Variants in CTNNA3 observed in about 807,000 individuals in gnomAD.
CTNNA3 encodes catenin alpha-3.
In CTNNA3, 76 loss-of-function variants were observed where a neutral mutation model predicts 95.7. The ratio of observed to expected loss-of-function variants is 0.79; its 90% CI spans 0.66 to 0.96. The LOEUF (loss-of-function observed/expected upper bound fraction) is 0.96. Among genes scored for constraint, CTNNA3 ranks in the 40% least tolerant of loss-of-function variants. The pLI is 0.00. For missense variants in CTNNA3, 1,191 were observed against 1,089.8 expected (o/e 1.09, Z -1.31); for synonymous variants, 431 against 374.4 (o/e 1.15, Z -1.74).
intron 7 of CTNNA3, among the ~76,000 whole-genome samples, chr10:66,784,033 T>C (rs1039336462): frequency 6.6e-5 from 10 of 152,156 alleles, no homozygotes; most frequent in Non-Finnish European, 1.0e-4. Flanking sequence ...TTAGAACAGA[T>C]AGACTTCCAC....
At chr10:67,539,752 G>A in intron 3 of CTNNA3, 83 bp from the exon 4 acceptor site, 17 of 1,246,044 alleles carry the variant, frequency 1.4e-5, no homozygotes, top group Admixed American at 2.1e-5. Flanking sequence ...CTAATTCCAA[G>A]TAAATTCCAA....
intron 13 of CTNNA3, among the ~76,000 whole-genome samples, chr10:66,275,812 C>T (rs1433215506): frequency 6.6e-6 from 1 of 151,486 alleles, no homozygotes; most frequent in Non-Finnish European, 1.5e-5. Flanking sequence ...AAGATGTCTA[C>T]AAGGCCACCA....
chr10:65,978,210 A>G (rs188914312), intron 16 of CTNNA3, among the ~76,000 whole-genome samples: 1 of 152,168 alleles, frequency 6.6e-6, no homozygotes, highest in East Asian at 1.9e-4. Context: ...CATTCTAAGA[A>G]CTGTTTTCAA....
chr10:66,284,055 A>G (rs957333279), intron 12 of CTNNA3, among the ~76,000 whole-genome samples: 5 of 151,892 alleles, frequency 3.3e-5, no homozygotes, highest in Non-Finnish European at 5.9e-5. Flanking sequence ...CAGGTAGGAT[A>G]AGCTGTTCTG....
intron 11 of CTNNA3, among the ~76,000 whole-genome samples, chr10:66,403,877 T>G (rs1394817507): frequency 6.6e-6 from 1 of 152,182 alleles, no homozygotes; most frequent in Admixed American, 6.5e-5. Context: ...AGTTTAACTT[T>G]GAAACAAAAA....
At chr10:67,295,261 CAAAAG>C (rs900251367) in intron 5 of CTNNA3, among the ~76,000 whole-genome samples, 36 of 152,164 alleles carry the variant, frequency 2.4e-4, no homozygotes, top group African/African-American at 8.7e-4. Context: ...TGAAAATACT[CAAAAG>C]AAAATTCTTT....
At chr10:66,539,714 C>T (rs1481509514) in intron 10 of CTNNA3, among the ~76,000 whole-genome samples, 2 of 151,998 alleles carry the variant, frequency 1.3e-5, no homozygotes, top group African/African-American at 4.8e-5. Context: ...AGGCTTCATT[C>T]TCCTTTTTGC....
chr10:66,916,048 C>A (rs182234477), intron 7 of CTNNA3, among the ~76,000 whole-genome samples: 1 of 152,038 alleles, frequency 6.6e-6, no homozygotes, highest in Admixed American at 6.6e-5. Flanking sequence ...TGTGCCCAGT[C>A]CTTGACATAT....
At chr10:66,697,461 G>A (rs1229744035) in intron 9 of CTNNA3, among the ~76,000 whole-genome samples, 1 of 151,580 alleles carries the variant, frequency 6.6e-6, no homozygotes, top group Non-Finnish European at 1.5e-5. Flanking sequence ...AAAATATATG[G>A]ATTATATATG....
chr10:67,205,876 G>A (rs1051723667), intron 6 of CTNNA3, among the ~76,000 whole-genome samples: 2 of 152,104 alleles, frequency 1.3e-5, no homozygotes, highest in East Asian at 1.9e-4. Context: ...CCTTTGAAAC[G>A]TATGTAAATC....
intron 11 of CTNNA3, 35 bp from the exon 12 acceptor site, chr10:66,379,387 T>C (rs775830635): frequency 6.5e-7 from 1 of 1,527,540 alleles, no homozygotes; most frequent in South Asian, 1.1e-5. Flanking sequence ...TTTTTGCGTG[T>C]GTCTGTGTTT....
intron 11 of CTNNA3, among the ~76,000 whole-genome samples, chr10:66,514,761 T>C (rs1032644186): frequency 6.6e-6 from 1 of 152,190 alleles, no homozygotes; most frequent in Non-Finnish European, 1.5e-5. Flanking sequence ...CAAACCCTTA[T>C]ATTTAATCAG....
At position 66,611,810 on chromosome 10, in the gene CTNNA3, C is replaced by T. The variant is rs1844339620; in HGVS notation, c.1374+9882G>A. Among the ~76,000 whole-genome samples the T allele has an allele frequency of 5.3e-5, 8 of 152,072 alleles. No homozygotes were observed. In the South Asian group the frequency reaches 1.7e-3, roughly 32 times the overall value. On this transcript the variant is annotated intron_variant, in intron 10 of 17. Coordinates refer to ENST00000433211, the MANE Select transcript of CTNNA3 (RefSeq NM_013266.4). The stretch of plus-strand genomic sequence containing the variant: ...CATTGTTCTTTTTCAGGTTCCTCTT[C>T]CTTTTCTCTCCCAGATGTGTTTTCT...
chr10:67,288,776 A>C (rs1474353497), intron 5 of CTNNA3, among the ~76,000 whole-genome samples: 1 of 152,182 alleles, frequency 6.6e-6, no homozygotes, highest in Non-Finnish European at 1.5e-5. Context: ...AAGTTTTTCC[A>C]AAATCCTCTG....
intron 15 of CTNNA3, among the ~76,000 whole-genome samples, chr10:66,017,498 A>G (rs1393170652): frequency 6.6e-6 from 1 of 152,112 alleles, no homozygotes; most frequent in Non-Finnish European, 1.5e-5. Context: ...TATTATTAAT[A>G]TTATTGAATG....
At chr10:67,005,703 T>TTTTTTTTTTTTTTTTTTG (rs1417141930) in intron 7 of CTNNA3, among the ~76,000 whole-genome samples, 1 of 136,146 alleles carries the variant, frequency 7.3e-6, no homozygotes. Context: ...TTTTTTTTTT[T>TTTTTTTTTTTTTTTTTTG]GAGACGGAGT....
chr10:66,724,590 G>A (rs1848725189), intron 9 of CTNNA3, among the ~76,000 whole-genome samples: 1 of 152,146 alleles, frequency 6.6e-6, no homozygotes, highest in Non-Finnish European at 1.5e-5. Flanking sequence ...GAGAAGAAAT[G>A]TGCTAAGTGA....
At chr10:66,123,388 C>A (rs2082670146) in intron 13 of CTNNA3, among the ~76,000 whole-genome samples, 1 of 152,176 alleles carries the variant, frequency 6.6e-6, no homozygotes, top group African/African-American at 2.4e-5. Context: ...TGGTCTTGGG[C>A]AGCTCCGTCC....
At chr10:66,235,272 C>T (rs2089792423) in intron 13 of CTNNA3, among the ~76,000 whole-genome samples, 1 of 151,924 alleles carries the variant, frequency 6.6e-6, no homozygotes, top group Non-Finnish European at 1.5e-5. Flanking sequence ...AATTGTGCTG[C>T]TTCTTTATTT....
Sources: allele counts gnomAD v4.1 joint callset (sites outside exome capture counted in the v4.1 genomes callset), GRCh38; gene constraint gnomAD v4.1.1; transcripts MANE v1.5; gene names NCBI Gene and HGNC (gene_info 2026-07-23, HGNC 2026-07-21).